SUPT5H: variants seen among roughly 807,000 people sequenced by gnomAD.
SUPT5H encodes the protein transcription elongation factor SPT5.
A neutral mutation model predicts 142.5 loss-of-function variants in SUPT5H; 24 were observed. The ratio of observed to expected loss-of-function variants is 0.17; its 90% CI spans 0.12 to 0.24. The LOEUF (loss-of-function observed/expected upper bound fraction) is 0.24, where lower values mean the gene tolerates loss of function less well. Ranked by LOEUF, SUPT5H falls within the 10% of genes least tolerant of loss-of-function variation. The probability of loss-of-function intolerance (pLI) is 1.00; values close to 1 mark genes in which losing one functional copy is unlikely to be tolerated. For missense variants in SUPT5H, 893 were observed against 1,471.8 expected, an observed-to-expected ratio of 0.61 and a Z score of 6.43; for synonymous variants, 546 against 553.0, an observed-to-expected ratio of 0.99 and a Z score of 0.18.
In SUPT5H at chr19:39,459,257, G is replaced by T; in HGVS notation, c.524+8G>T. ...GCTGCTCCCAGGAGTCAAGTAAGGG[G>T]GTTGGGATGGTGGGGGCCGTGCTGG... On this transcript the variant is annotated splice_region_variant and intron_variant, in intron 8 of 29. Transcript: ENST00000432763. 6.4e-7 allele frequency: 1 copy of T among 1,557,618 alleles called. No homozygotes were observed.
chr19:39,475,225 CAAAAAAAAAAAAA>C (rs57886387), intron 28 of SUPT5H: 277 of 80,986 alleles, frequency 3.4e-3, no homozygotes, highest in Non-Finnish European at 4.9e-3. Context: ...ACTAAAAATA[CAAAAAAAAAAAAA>C]AAAAAAAAAA....
intron 2 of SUPT5H, among the ~76,000 whole-genome samples, chr19:39,446,686 G>A (rs534990090): frequency 2.6e-5 from 4 of 152,278 alleles, no homozygotes; most frequent in East Asian, 1.9e-4. Flanking sequence ...GTAACACAAC[G>A]GGACCCTGTC....
rs751290407 is a variant in SUPT5H at position 39,471,696 on chromosome 19, A to T, written c.1916A>T (p.Lys639Met). ...LVENGGMFVCKTRHLVLAGGS... is the reference protein window; with the variant it reads ...LVENGGMFVCMTRHLVLAGGS... ...GAGAACGGGGGCATGTTTGTCTGCAAGACCCGCCACCTGGTGCTGGCTGGG... is the reference window on the plus strand; with the variant it reads ...GAGAACGGGGGCATGTTTGTCTGCATGACCCGCCACCTGGTGCTGGCTGGG... Residue 639 changes from lysine to methionine, a missense_variant, in exon 20 of 30, where the codon AAG becomes ATG. Physicochemically the swap from Lys to Met is moderately conservative, Grantham distance 95. This residue lies in a region of SUPT5H where 428 missense variants were observed against 763.5 expected (regional missense o/e 0.56). Coordinates refer to ENST00000432763, the MANE Select transcript of SUPT5H (RefSeq NM_001111020.3). 1 of 1,614,194 alleles carries T rather than the reference A, an allele frequency of 6.2e-7. No individual in the cohort carries two copies. The highest frequency in any genetic ancestry group is 1.3e-5 in the African/African-American group (1 of 75,072).
In SUPT5H at chr19:39,473,680, C is replaced by T. The variant is rs892269771; in HGVS notation, c.2492+159C>T. 3.3e-5 allele frequency among the ~76,000 whole-genome samples: 5 copies of T among 152,088 alleles called. No individual in the cohort carries two copies. Among genetic ancestry groups the T allele is most frequent in the African/African-American group, 1.2e-4 (5 of 41,406 alleles). On this transcript the variant is annotated intron_variant, in intron 25 of 29. Coordinates refer to ENST00000432763, the MANE Select transcript of SUPT5H (RefSeq NM_001111020.3). The surrounding 1 kb of genome is among the most constrained non-coding windows in gnomAD (Gnocchi z 5.8). ...AAGGAGGAGGCATAGCATGGCGGGG[C>T]GGGGGCAAAGCGGCCTCCTCTCCAT...
At chr19:39,453,087 A>T (rs541216031) in intron 2 of SUPT5H, among the ~76,000 whole-genome samples, 1 of 151,492 alleles carries the variant, frequency 6.6e-6, no homozygotes, top group East Asian at 1.9e-4. Context: ...ATAGTTAAAG[A>T]CTCGGTGGAA....
At position 39,473,920 on chromosome 19, in the gene SUPT5H, C is replaced by T; in HGVS notation, c.2493-43C>T. The T allele has an allele frequency of 6.2e-7, 1 of 1,613,124 alleles. No individual in the cohort carries two copies. On this transcript the variant is annotated intron_variant, in intron 25 of 29. Transcript: ENST00000432763. The surrounding 1 kb of genome is among the most constrained non-coding windows in gnomAD (Gnocchi z 5.8). ...GGTGCTGTTCTGGAAGCATCCATCG[C>T]ATTATCACCACAGTCGCTGTCAACA...
chr19:39,471,345 C>T lies in SUPT5H; in HGVS notation c.1678-12C>T, dbSNP rs1228770403. The T allele has an allele frequency of 3.1e-6, 5 of 1,614,072 alleles. No individual in the cohort carries two copies. In the African/African-American group the frequency reaches 5.3e-5, roughly 17 times the overall value. ...TTCTCACCCCCACAGCCTCCCTGCT[C>T]TCCCTCTGTAGGTGCTGAACATGTA... is the stretch of plus-strand genomic sequence containing the variant. On this transcript the variant is annotated splice_polypyrimidine_tract_variant and intron_variant, in intron 18 of 29. Transcript: ENST00000432763.
Position 39,453,465 on chromosome 19 carries a change from A to G in SUPT5H, c.185A>G (p.Asp62Gly). ...TACGATGAGGAAGAGGAGGAAGAAG[A>G]TGATGACCGACCCCCCAAGAAACCC... ...EEYDEEEEEE[D>G]DDRPPKKPRH... Residue 62 changes from aspartate (D) to glycine (G), a missense_variant, in exon 3 of 30, where the codon GAT becomes GGT. Transcript: ENST00000432763. 2.6e-6 allele frequency: 4 copies of G among 1,553,584 alleles called. No homozygotes were observed. The highest frequency in any genetic ancestry group is 3.5e-6 in the Non-Finnish European group (4 of 1,147,904).
chr19:39,474,339 A>T lies in SUPT5H; in HGVS notation c.2757A>T (p.Ala919=). 1 of 1,614,050 alleles carries T rather than the reference A, an allele frequency of 6.2e-7. No individual in the cohort carries two copies. The part of the protein sequence containing the change: ...QSYHQVAPSP[A]GYQNTHSPAS... ...ACCACCAGGTGGCGCCAAGCCCAGCAGGCTACCAGAATACCCACTCCCCAG... is the reference window on the plus strand; with the variant it reads ...ACCACCAGGTGGCGCCAAGCCCAGCTGGCTACCAGAATACCCACTCCCCAG... Residue 919 remains alanine (A), a synonymous_variant, in exon 27 of 30, where the codon GCA becomes GCT. Coordinates refer to ENST00000432763, the MANE Select transcript of SUPT5H (RefSeq NM_001111020.3). This position sits in a 1 kb window ranked among gnomAD's most constrained non-coding sequence, Gnocchi z 6.5.
chr19:39,463,161 G>A (rs538977101), intron 10 of SUPT5H, among the ~76,000 whole-genome samples: 2 of 148,622 alleles, frequency 1.3e-5, no homozygotes, highest in South Asian at 2.1e-4. Flanking sequence ...CTGGCCAACC[G>A]GCCTTAATTT....
At position 39,466,823 on chromosome 19, in the gene SUPT5H, A is replaced by G. The variant is rs1600717445; in HGVS notation, c.1037+78A>G. 65 of 1,447,498 alleles carry G rather than the reference A, an allele frequency of 4.5e-5. No individual in the cohort carries two copies. The highest frequency in any genetic ancestry group is 5.3e-5 in the Non-Finnish European group (55 of 1,030,364). The allele number at this position is 1,447,498 out of a possible 1,614,324, so 89.7% of individuals were successfully genotyped here. ...ATGTGCCTTTTGCAGGTTCCTCCCC[A>G]GGGGTGGCCCCGCCACAGGTTTAGC... On this transcript the variant is annotated intron_variant, in intron 13 of 29. Transcript: ENST00000432763. This position sits in a 1 kb window ranked among gnomAD's most constrained non-coding sequence, Gnocchi z 4.3.
intron 3 of SUPT5H, among the ~76,000 whole-genome samples, chr19:39,454,064 A>T (rs1276233382): frequency 6.6e-6 from 1 of 152,242 alleles, no homozygotes; most frequent in Non-Finnish European, 1.5e-5. Flanking sequence ...AAGACTTTGT[A>T]GGTAGTCTGA....
chr19:39,468,723 C>A (rs762345539), intron 13 of SUPT5H, 33 bp from the exon 14 acceptor site: 1 of 1,591,948 alleles, frequency 6.3e-7, no homozygotes. Context: ...CTTGACTCTC[C>A]CTTCTAATCT....
chr19:39,473,612 C>A lies in SUPT5H; in HGVS notation c.2492+91C>A. On this transcript the variant is annotated intron_variant, in intron 25 of 29. Transcript: ENST00000432763. This position sits in a 1 kb window ranked among gnomAD's most constrained non-coding sequence, Gnocchi z 5.8. ...GGGGCATTGGAGGGGTTTGTGGGGC[C>A]CACCCAGCATTCTCTGCTCCTAGCC... The A allele has an allele frequency of 7.3e-7, 1 of 1,362,016 alleles. No individual in the cohort carries two copies. Among genetic ancestry groups the A allele is most frequent in the Admixed American group, 2.1e-5 (1 of 46,888 alleles). 84.4% of individuals were successfully genotyped at this position (1,362,016 alleles called of 1,614,324 possible). A position where few individuals can be genotyped will look rare whatever the true frequency, so the allele number is the denominator to read the frequency against.
chr19:39,462,335 T>C (rs1245368164), intron 10 of SUPT5H, among the ~76,000 whole-genome samples: 1 of 152,150 alleles, frequency 6.6e-6, no homozygotes, highest in Non-Finnish European at 1.5e-5. Context: ...TACCCATTAG[T>C]CATCACTCCC....
chr19:39,473,052 C>G lies in SUPT5H; in HGVS notation c.2196C>G (p.Ala732=), dbSNP rs764319668. The part of the protein sequence containing the change: ...GVVKDATEST[A]RVELHSTCQT... ...TGAAAGATGCCACAGAGTCCACGGCCCGTGTGGAGCTGCACTCCACCTGCC... is the reference window on the plus strand; with the variant it reads ...TGAAAGATGCCACAGAGTCCACGGCGCGTGTGGAGCTGCACTCCACCTGCC... The change falls in exon 23 of 30, where the codon GCC becomes GCG. Residue 732 remains alanine, a synonymous_variant. Transcript: ENST00000432763. This position sits in a 1 kb window ranked among gnomAD's most constrained non-coding sequence, Gnocchi z 5.8. The G allele has an allele frequency of 6.2e-7, 1 of 1,613,848 alleles. No individual in the cohort carries two copies. The highest frequency in any genetic ancestry group is 8.5e-7 in the Non-Finnish European group (1 of 1,179,916).
intron 2 of SUPT5H, among the ~76,000 whole-genome samples, chr19:39,446,248 C>T (rs183743353): frequency 1.4e-4 from 22 of 151,764 alleles, no homozygotes; most frequent in Admixed American, 3.3e-4. Flanking sequence ...TTAGTTATGT[C>T]TAGTCATTCC....
Position 39,469,790 on chromosome 19 carries a change from T to C in SUPT5H, c.1375-329T>C. On this transcript the variant is annotated intron_variant, in intron 16 of 29. Transcript: ENST00000432763. This position sits in a 1 kb window ranked among gnomAD's most constrained non-coding sequence, Gnocchi z 5.1. ...TGCAGGCCCAGTGTGATGTGTGGGG[T>C]GAGGCTGTCTCCGGGTGGGGCTGAG... 2.1e-6 allele frequency: 1 copy of C among 470,498 alleles called. No individual in the cohort carries two copies. The highest frequency in any genetic ancestry group is 3.9e-6 in the Non-Finnish European group (1 of 257,270). 29.1% of individuals were successfully genotyped at this position (470,498 alleles called of 1,614,324 possible).
chr19:39,464,952 T>C lies in SUPT5H; in HGVS notation c.779T>C (p.Met260Thr), dbSNP rs768936707. 1 of 1,614,070 alleles carries C rather than the reference T, an allele frequency of 6.2e-7. No homozygotes were observed. Among genetic ancestry groups the C allele is most frequent in the African/African-American group, 1.3e-5 (1 of 74,920 alleles). ...WNQQMVPIKE[M>T]TDVLKVVKEV... ...CAGCAGATGGTGCCCATCAAGGAGATGACAGACGTGCTCAAAGTGGTGAAG... is the reference window on the plus strand; with the variant it reads ...CAGCAGATGGTGCCCATCAAGGAGACGACAGACGTGCTCAAAGTGGTGAAG... Residue 260 changes from methionine (M) to threonine (T), a missense_variant, in exon 11 of 30, where the codon ATG becomes ACG. Physicochemically the swap from Met to Thr is moderately conservative, Grantham distance 81. This residue lies in a region of SUPT5H where 428 missense variants were observed against 763.5 expected (regional missense o/e 0.56). Coordinates refer to ENST00000432763, the MANE Select transcript of SUPT5H (RefSeq NM_001111020.3).
Sources: allele counts gnomAD v4.1 joint callset (sites outside exome capture counted in the v4.1 genomes callset), GRCh38; gene constraint gnomAD v4.1.1; regional missense constraint gnomAD v4.1.1; non-coding constraint Gnocchi (gnomAD v3.1); transcripts MANE v1.5; gene names NCBI Gene and HGNC (gene_info 2026-07-23, HGNC 2026-07-21).